The following FAM120A variants were observed in gnomAD, a reference collection of about 807,000 sequenced individuals.
FAM120A encodes the protein family with sequence similarity 120 member A.
In FAM120A, 15 loss-of-function variants were observed where a neutral mutation model predicts 109.7. The observed-to-expected ratio is 0.14, with a 90% CI of 0.09 to 0.21. FAM120A has a LOEUF of 0.21. Ranked by LOEUF, FAM120A falls within the 10% of genes least tolerant of loss-of-function variation. FAM120A has a pLI of 1.00. For synonymous variants in FAM120A, 493 were observed against 572.8 expected (o/e 0.86, Z 1.99); for missense variants, 899 against 1,439.3 (o/e 0.62, Z 6.07).
chr9:93,537,845 A>G (rs1461018702), intron 10 of FAM120A, among the ~76,000 whole-genome samples: 1 of 152,222 alleles, frequency 6.6e-6, no homozygotes, highest in African/African-American at 2.4e-5. Flanking sequence ...CATTTTCCCC[A>G]TGATTTCTGT....
chr9:93,496,849 T>C (rs1859598118), intron 3 of FAM120A, among the ~76,000 whole-genome samples: 1 of 152,242 alleles, frequency 6.6e-6, no homozygotes, highest in South Asian at 2.1e-4. Flanking sequence ...GTCAGCTGTT[T>C]TTGGCTAATG....
intron 1 of FAM120A, among the ~76,000 whole-genome samples, chr9:93,454,081 C>T (rs1857434677): frequency 6.6e-6 from 1 of 152,166 alleles, no homozygotes; most frequent in Non-Finnish European, 1.5e-5. Flanking sequence ...TTGAATGCCT[C>T]GCACACCTAG....
chr9:93,530,588 C>T (rs1425638196), intron 9 of FAM120A: 1 of 152,176 alleles, frequency 6.6e-6, no homozygotes, highest in Non-Finnish European at 1.5e-5. Flanking sequence ...ACTATTTGCT[C>T]AGATCCTTTA....
intron 5 of FAM120A, among the ~76,000 whole-genome samples, chr9:93,502,010 G>T (rs1859823658): frequency 6.6e-6 from 1 of 152,172 alleles, no homozygotes; most frequent in South Asian, 2.1e-4. Flanking sequence ...ACTCAAGTTA[G>T]AACCCATGAT....
intron 3 of FAM120A, among the ~76,000 whole-genome samples, chr9:93,489,785 T>C (rs1315826218): frequency 2.0e-5 from 3 of 152,228 alleles, no homozygotes; most frequent in African/African-American, 7.2e-5. Context: ...CTGGGGTCTA[T>C]GTGTTTTCCT....
chr9:93,466,204 A>G (rs1002937674), intron 1 of FAM120A, among the ~76,000 whole-genome samples: 3 of 152,118 alleles, frequency 2.0e-5, no homozygotes, highest in Non-Finnish European at 4.4e-5. Flanking sequence ...GTTAAACTCT[A>G]CCTACTGGGG....
chr9:93,466,877 C>T (rs567999754), intron 1 of FAM120A, among the ~76,000 whole-genome samples: 1 of 152,130 alleles, frequency 6.6e-6, no homozygotes, highest in Non-Finnish European at 1.5e-5. Context: ...TGCTTTAACC[C>T]TAGTGTTCCT....
At chr9:93,511,442 T>A (rs1860317826) in intron 5 of FAM120A, among the ~76,000 whole-genome samples, 1 of 152,204 alleles carries the variant, frequency 6.6e-6, no homozygotes, top group African/African-American at 2.4e-5. Flanking sequence ...TTGGCCAGCC[T>A]GACCGGCTCT....
Position 93,471,217 on chromosome 9 carries a change from C to T in FAM120A, c.551C>T (p.Ala184Val), listed in dbSNP as rs762613456. Residue 184 changes from alanine (A) to valine (V), a missense_variant, in exon 2 of 18, where the codon GCG (alanine) becomes GTG (valine). By Grantham distance (64) the Ala-to-Val change is moderately conservative. Coordinates refer to ENST00000277165, the MANE Select transcript of FAM120A (RefSeq NM_014612.5). Reference sequence around the variant, plus strand: ...GAGAATGGTTTCCATGGCTTGGTTGCGTATGACTCTGATTATGCACTGTGC... The same window carrying T: ...GAGAATGGTTTCCATGGCTTGGTTGTGTATGACTCTGATTATGCACTGTGC... ...CRENGFHGLV[A>V]YDSDYALCNI... The T allele has an allele frequency of 6.2e-7, 1 of 1,614,118 alleles. No homozygotes were observed. The highest frequency in any genetic ancestry group is 8.5e-7 in the Non-Finnish European group (1 of 1,180,028).
rs373699404 is a variant in FAM120A, at chr9:93,543,522, G to T, written c.2159+51G>T. 11 of 1,585,018 alleles carry T rather than the reference G, an allele frequency of 6.9e-6. No homozygotes were observed. In the African/African-American group the frequency reaches 1.5e-4, roughly 21 times the overall value. Reference sequence around the variant, plus strand: ...ACCTGGGTCCCCGCCAGGTGTAGGGGCCATGACCATGGTGTCAGATGAGTT... The same window carrying T: ...ACCTGGGTCCCCGCCAGGTGTAGGGTCCATGACCATGGTGTCAGATGAGTT... On this transcript the variant is annotated intron_variant, in intron 11 of 17. Coordinates refer to ENST00000277165, the MANE Select transcript of FAM120A (RefSeq NM_014612.5).
intron 17 of FAM120A, among the ~76,000 whole-genome samples, chr9:93,563,272 C>T (rs1350103060): frequency 1.3e-5 from 2 of 152,206 alleles, no homozygotes; most frequent in Non-Finnish European, 2.9e-5. Flanking sequence ...AATGCGATGA[C>T]GAGCTGGAAG....
At chr9:93,505,763 T>C (rs1232776157) in intron 5 of FAM120A, among the ~76,000 whole-genome samples, 1 of 152,234 alleles carries the variant, frequency 6.6e-6, no homozygotes, top group Non-Finnish European at 1.5e-5. Context: ...TTTAAAGTGT[T>C]ACATGAGAAG....
intron 5 of FAM120A, among the ~76,000 whole-genome samples, chr9:93,505,378 T>C (rs1348118943): frequency 6.6e-6 from 1 of 152,126 alleles, no homozygotes; most frequent in Non-Finnish European, 1.5e-5. Context: ...TGTGTTTCTG[T>C]TGGGTTGTTT....
chr9:93,464,078 G>A (rs1207843422), intron 1 of FAM120A, among the ~76,000 whole-genome samples: 1 of 152,212 alleles, frequency 6.6e-6, no homozygotes, highest in Admixed American at 6.5e-5. Context: ...CCTACCTGGT[G>A]CCAGAGACAC....
At chr9:93,553,151 A>AT (rs890189994) in intron 12 of FAM120A, among the ~76,000 whole-genome samples, 1 of 152,096 alleles carries the variant, frequency 6.6e-6, no homozygotes, top group Non-Finnish European at 1.5e-5. Context: ...TTCCTGTTAT[A>AT]TTTTTTAAGC....
chr9:93,492,509 C>T (rs1859371698), intron 3 of FAM120A, among the ~76,000 whole-genome samples: 1 of 152,144 alleles, frequency 6.6e-6, no homozygotes, highest in Admixed American at 6.5e-5. Context: ...CCTCTGACTC[C>T]TCCTGCACGT....
chr9:93,555,042 A>T (rs528388670), intron 12 of FAM120A, among the ~76,000 whole-genome samples: 8 of 152,178 alleles, frequency 5.3e-5, no homozygotes, highest in Non-Finnish European at 1.2e-4. Flanking sequence ...TGCAGCTCAG[A>T]GGTGGGGGTG....
intron 7 of FAM120A, among the ~76,000 whole-genome samples, chr9:93,519,679 G>A (rs927503836): frequency 6.6e-6 from 1 of 152,020 alleles, no homozygotes; most frequent in African/African-American, 2.4e-5. Flanking sequence ...TGTAGTGTAC[G>A]TTCAGTGATA....
intron 1 of FAM120A, 85 bp from the exon 2 acceptor site, chr9:93,471,056 A>T (rs1469174950): frequency 6.8e-7 from 1 of 1,476,820 alleles, no homozygotes; most frequent in Non-Finnish European, 9.2e-7. Context: ...GTGATTTTTC[A>T]GCTTCTGTGC....
Sources: gnomAD v4.1 joint callset for allele counts (sites outside exome capture counted in the v4.1 genomes callset) on GRCh38, gnomAD v4.1.1 for gene constraint, MANE v1.5 for transcripts, NCBI Gene and HGNC (gene_info 2026-07-23, HGNC 2026-07-21) for gene names.